Variants in CNTNAP3B observed in about 807,000 individuals in gnomAD.
CNTNAP3B encodes the protein contactin associated protein family member 3B.
A neutral mutation model predicts 108.9 loss-of-function variants in CNTNAP3B; 25 were observed. The observed-to-expected ratio is 0.23, with a 90% CI of 0.17 to 0.32. The LOEUF is 0.32. Ranked by LOEUF, CNTNAP3B falls within the 10% of genes least tolerant of loss-of-function variation. The probability of loss-of-function intolerance (pLI) is 1.00; values close to 1 mark genes in which losing one functional copy is unlikely to be tolerated. For missense variants in CNTNAP3B, 252 were observed against 1,210.4 expected (o/e 0.21, Z 11.75); for synonymous variants, 103 against 473.4 (o/e 0.22, Z 10.16).
At chr9:41,954,156 C>G (rs1219325643) in intron 12 of CNTNAP3B, among the ~76,000 whole-genome samples, 1 of 152,250 alleles carries the variant, frequency 6.6e-6, no homozygotes, top group Non-Finnish European at 1.5e-5. Flanking sequence ...GGTCCTTTAA[C>G]CTCTAATAAG....
At chr9:42,042,158 C>A (rs1239670584) in intron 3 of CNTNAP3B, among the ~76,000 whole-genome samples, 1 of 139,208 alleles carries the variant, frequency 7.2e-6, no homozygotes, top group East Asian at 2.1e-4. Flanking sequence ...GTGCAGCACA[C>A]CAACATGGCA....
Position 42,122,120 on chromosome 9 carries a change from C to T in CNTNAP3B, c.85+6890G>A, listed in dbSNP as rs190490945. Among the ~76,000 whole-genome samples, 74 of 139,404 alleles carry T rather than the reference C, an allele frequency of 5.3e-4. 9 individuals carry two copies. In the East Asian group the frequency reaches 0.013, roughly 25 times the overall value. 91.5% of individuals were successfully genotyped at this position (139,404 alleles called of 152,430 possible). On this transcript the variant is annotated intron_variant, in intron 1 of 23. Transcript: ENST00000377561. ...GCAGCAGGCTTTGCTTGCCCTTTGG[C>T]AACACTGCTGAAATAAATCTCTTAT...
chr9:41,920,656 G>T (rs1256166849), intron 17 of CNTNAP3B, among the ~76,000 whole-genome samples: 2 of 152,298 alleles, frequency 1.3e-5, no homozygotes, highest in Non-Finnish European at 2.9e-5. Flanking sequence ...CTTTGTTTAG[G>T]AATAAGAATG....
intron 1 of CNTNAP3B, among the ~76,000 whole-genome samples, chr9:42,108,461 A>G (rs1473324846): frequency 7.3e-6 from 1 of 136,394 alleles, no homozygotes; most frequent in African/African-American, 2.9e-5. Flanking sequence ...TGAACTGGGT[A>G]ACAGCTGGAT....
At chr9:41,944,525 C>T (rs1824465006) in intron 13 of CNTNAP3B, among the ~76,000 whole-genome samples, 1 of 152,268 alleles carries the variant, frequency 6.6e-6, no homozygotes, top group African/African-American at 2.4e-5. Context: ...ACCACTAAAA[C>T]AATTACCAAG....
intron 3 of CNTNAP3B, among the ~76,000 whole-genome samples, chr9:42,045,166 GA>G (rs1826845532): frequency 9.4e-6 from 1 of 106,604 alleles, no homozygotes; most frequent in Non-Finnish European, 1.8e-5. Context: ...GCTGAAGAAT[GA>G]AAGGATATAA....
chr9:42,121,652 C>T lies in CNTNAP3B; in HGVS notation c.85+7358G>A, dbSNP rs1447253425. ...AACTGTGACATCCAAAAAAGGAAAG[C>T]TGCCCAATCTCTTCTCTAGAATGTG... is the stretch of plus-strand genomic sequence containing the variant. On this transcript the variant is annotated intron_variant, in intron 1 of 23. Coordinates refer to ENST00000377561, the MANE Select transcript of CNTNAP3B (RefSeq NM_001201380.3). Among the ~76,000 whole-genome samples the T allele has an allele frequency of 1.4e-5, 2 of 140,188 alleles. 1 individual carries two copies. Among genetic ancestry groups the T allele is most frequent in the African/African-American group, 5.6e-5 (2 of 35,494 alleles). The allele number at this position is 140,188 out of a possible 152,430, so 92.0% of individuals were successfully genotyped here. A position where few individuals can be genotyped will look rare whatever the true frequency, so the allele number is the denominator to read the frequency against.
chr9:41,933,105 A>C (rs1318015104), intron 14 of CNTNAP3B, among the ~76,000 whole-genome samples: 4 of 152,196 alleles, frequency 2.6e-5, no homozygotes, highest in African/African-American at 4.8e-5. Context: ...ACAAGTAAAA[A>C]CACTTGGCAT....
In CNTNAP3B at chr9:41,991,061, G is replaced by T. The variant is rs534658206; in HGVS notation, c.1333+549C>A. Reference sequence around the variant, plus strand: ...GCTTCGTGATTTACATTTCAGAAGGGCAGTAAGTGGAGGAGCTGAGATTCT... The same window carrying T: ...GCTTCGTGATTTACATTTCAGAAGGTCAGTAAGTGGAGGAGCTGAGATTCT... On this transcript the variant is annotated intron_variant, in intron 8 of 23. Transcript: ENST00000377561. 6.3e-4 allele frequency among the ~76,000 whole-genome samples: 83 copies of T among 132,590 alleles called. 11 individuals carry two copies. Among genetic ancestry groups the T allele is most frequent in the African/African-American group, 2.5e-3 (82 of 32,786 alleles). The allele number at this position is 132,590 out of a possible 152,430, so 87.0% of individuals were successfully genotyped here.
intron 12 of CNTNAP3B, among the ~76,000 whole-genome samples, chr9:41,956,216 C>G (rs1330796416): frequency 2.6e-5 from 4 of 152,084 alleles, no homozygotes; most frequent in Non-Finnish European, 5.9e-5. Context: ...AAAACCCTAT[C>G]TCTACTAAAA....
rs1261648582 is a variant in CNTNAP3B, at chr9:42,129,220, C to T, written c.-126G>A. ...CCGACGCTGCTCTGTCTCCCCTGTCCAGTCTCTAGCTCTCTTCCTCACGCA... is the reference window on the plus strand; with the variant it reads ...CCGACGCTGCTCTGTCTCCCCTGTCTAGTCTCTAGCTCTCTTCCTCACGCA... On this transcript the variant is annotated 5_prime_UTR_variant, in exon 1 of 24. Coordinates refer to ENST00000377561, the MANE Select transcript of CNTNAP3B (RefSeq NM_001201380.3). The T allele has an allele frequency of 1.5e-6, 2 of 1,368,030 alleles. No individual in the cohort carries two copies. Among genetic ancestry groups the T allele is most frequent in the Non-Finnish European group, 1.9e-6 (2 of 1,027,538 alleles). 84.7% of individuals were successfully genotyped at this position (1,368,030 alleles called of 1,614,324 possible).
chr9:41,923,726 C>T, intron 16 of CNTNAP3B, 197 bp downstream of exon 16: 2 of 1,048,188 alleles, frequency 1.9e-6, no homozygotes, highest in Non-Finnish European at 2.7e-6. Context: ...AATGCCACTG[C>T]ACTCCAGCAT....
chr9:41,953,502 T>G (rs2118153181), intron 12 of CNTNAP3B, 116 bp from the exon 13 acceptor site: 2 of 1,239,266 alleles, frequency 1.6e-6, no homozygotes, highest in East Asian at 5.1e-5. Flanking sequence ...TACTGCATGT[T>G]TGCCGCGATT....
At chr9:42,111,454 T>A (rs1223591053) in intron 1 of CNTNAP3B, among the ~76,000 whole-genome samples, 1 of 137,782 alleles carries the variant, frequency 7.3e-6, no homozygotes, top group Non-Finnish European at 1.5e-5. Context: ...TAAAGGAAAA[T>A]AGTCACGCTC....
chr9:42,010,451 G>A lies in CNTNAP3B; in HGVS notation c.538+2927C>T, dbSNP rs1313239327. ...CATGGAGGGCAAGAGAGATAGATGC[G>A]TCAAGGACTTATAGGGTTCTGGCCT... On this transcript the variant is annotated intron_variant, in intron 4 of 23. Coordinates refer to ENST00000377561, the MANE Select transcript of CNTNAP3B (RefSeq NM_001201380.3). 2.3e-4 allele frequency among the ~76,000 whole-genome samples: 33 copies of A among 141,692 alleles called. 1 individual carries two copies. Among genetic ancestry groups the A allele is most frequent in the Middle Eastern group, 3.4e-3 (1 of 290 alleles). The allele number at this position is 141,692 out of a possible 152,430, so 93.0% of individuals were successfully genotyped here. A position where few individuals can be genotyped will look rare whatever the true frequency, so the allele number is the denominator to read the frequency against.
chr9:41,944,259 T>C (rs1824454876), intron 13 of CNTNAP3B, among the ~76,000 whole-genome samples: 2 of 148,508 alleles, frequency 1.3e-5, no homozygotes, highest in Non-Finnish European at 3.0e-5. Context: ...GGTAGGAGCA[T>C]TAGAGAAGAA....
At chr9:42,054,493 T>C (rs1453502639) in intron 3 of CNTNAP3B, among the ~76,000 whole-genome samples, 1 of 151,804 alleles carries the variant, frequency 6.6e-6, no homozygotes. Context: ...TAATCGAAGG[T>C]GAGGAAGCTC....
intron 3 of CNTNAP3B, among the ~76,000 whole-genome samples, chr9:42,054,038 A>C (rs1827009444): frequency 6.6e-6 from 1 of 151,876 alleles, no homozygotes; most frequent in Admixed American, 6.6e-5. Flanking sequence ...CTTACTTTGA[A>C]CTTCAATACT....
At chr9:42,080,310 G>A (rs939359440) in intron 2 of CNTNAP3B, among the ~76,000 whole-genome samples, 1 of 137,176 alleles carries the variant, frequency 7.3e-6, no homozygotes, top group Non-Finnish European at 1.6e-5. Flanking sequence ...ATGCAAATAA[G>A]CTATATTTTC....
Sources: gnomAD v4.1 joint callset for allele counts (sites outside exome capture counted in the v4.1 genomes callset) on GRCh38, gnomAD v4.1.1 for gene constraint, MANE v1.5 for transcripts, NCBI Gene and HGNC (gene_info 2026-07-23, HGNC 2026-07-21) for gene names.